Variants in OVCH1 observed in about 807,000 individuals in gnomAD.
The protein encoded by OVCH1 is ovochymase 1, also known as ovochymase-1.
Under a neutral mutation model 138.4 loss-of-function variants are expected in OVCH1, and 139 were observed. That is an observed-to-expected ratio of 1.00 (90% confidence interval 0.87 to 1.16). The LOEUF (loss-of-function observed/expected upper bound fraction) is 1.16. Ranked by LOEUF, OVCH1 falls within the 50% of genes most tolerant of loss-of-function variation. OVCH1 has a pLI of 0.00. For synonymous variants in OVCH1, 453 were observed against 467.8 expected (o/e 0.97, Z 0.41); for missense variants, 1,367 against 1,357.9 (o/e 1.01, Z -0.11).
At chr12:29,408,108 T>C (rs969926388), downstream of OVCH1, among the ~76,000 whole-genome samples, 22 of 135,032 alleles carry the variant, frequency 1.6e-4, 1 homozygote, top group African/African-American at 5.4e-4. Flanking sequence ...GCTCTCTGTT[T>C]GTCTGTTATT....
At chr12:29,447,538 T>C (rs957531440) in intron 22 of OVCH1, among the ~76,000 whole-genome samples, 1 of 152,084 alleles carries the variant, frequency 6.6e-6, no homozygotes, top group Admixed American at 6.6e-5. Flanking sequence ...GTTGACCTCA[T>C]TTGGAAGTAT....
exon 14 of OVCH1, chr12:29,475,166 T>C (rs1942661020): frequency 2.7e-6 from 4 of 1,497,630 alleles, no homozygotes; most frequent in Non-Finnish European, 8.9e-7. Context: ...ATTGAAGTGA[T>C]GGTCAACATT....
intron 24 of OVCH1, 43 bp downstream of exon 24, chr12:29,444,102 T>C: frequency 6.5e-7 from 1 of 1,545,492 alleles, no homozygotes; most frequent in Non-Finnish European, 8.7e-7. Flanking sequence ...CAAGCAATTT[T>C]TTCCACACAC....
intron 21 of OVCH1, among the ~76,000 whole-genome samples, chr12:29,452,304 GA>G (rs1941818511): frequency 6.6e-6 from 1 of 152,168 alleles, no homozygotes; most frequent in African/African-American, 2.4e-5. Context: ...ACCTGAGGAG[GA>G]GGTACGTAAA....
At chr12:29,418,225 A>T (rs2135881249) in intron 3 of OVCH1, among the ~76,000 whole-genome samples, 1 of 152,360 alleles carries the variant, frequency 6.6e-6, no homozygotes, top group Admixed American at 6.5e-5. Flanking sequence ...AGCCAGAGTA[A>T]CAATTCCTCA....
downstream of OVCH1, among the ~76,000 whole-genome samples, chr12:29,407,503 C>A (rs573963089): frequency 1.5e-4 from 22 of 150,148 alleles, 1 homozygote; most frequent in African/African-American, 5.1e-4. Context: ...AGGAAGGGAT[C>A]CAGTTTCAGC....
At chr12:29,473,099 A>G in exon 15 of OVCH1, 4 of 1,598,296 alleles carry the variant, frequency 2.5e-6, no homozygotes, top group Non-Finnish European at 3.4e-6. Flanking sequence ...ATTTGTTTAA[A>G]GACTCTGTAG....
intron 27 of OVCH1, among the ~76,000 whole-genome samples, chr12:29,429,603 T>C (rs1941235071): frequency 6.6e-6 from 1 of 152,240 alleles, no homozygotes. Flanking sequence ...CCAATCACAG[T>C]TCAAAGATTC....
At chr12:29,480,878 G>A (rs921013972) in intron 8 of OVCH1, among the ~76,000 whole-genome samples, 4 of 152,188 alleles carry the variant, frequency 2.6e-5, no homozygotes, top group African/African-American at 9.6e-5. Flanking sequence ...AGAAGTCACT[G>A]ACTGTGCAAA....
At chr12:29,443,269 C>T (rs1461617578) in intron 25 of OVCH1, 92 bp downstream of exon 25, 1 of 1,283,760 alleles carries the variant, frequency 7.8e-7, no homozygotes, top group Non-Finnish European at 1.1e-6. Flanking sequence ...TAGTGTATGT[C>T]ACATGTAAGC....
At chr12:29,479,311 A>G (rs1362883484) in intron 8 of OVCH1, among the ~76,000 whole-genome samples, 1 of 152,220 alleles carries the variant, frequency 6.6e-6, no homozygotes, top group African/African-American at 2.4e-5. Flanking sequence ...AGGTTGAATT[A>G]TGGTTCTCAT....
intron 8 of OVCH1, among the ~76,000 whole-genome samples, chr12:29,483,460 T>C (rs1565607326): frequency 6.6e-6 from 1 of 152,222 alleles, no homozygotes; most frequent in African/African-American, 2.4e-5. Flanking sequence ...TAAATATTTA[T>C]ATTCATTTTA....
chr12:29,443,081 A>G (rs1183428903), intron 25 of OVCH1, among the ~76,000 whole-genome samples: 3 of 152,084 alleles, frequency 2.0e-5, no homozygotes, highest in Non-Finnish European at 4.4e-5. Flanking sequence ...TTTGTCTAAA[A>G]CTGCTTCATT....
chr12:29,414,042 T>G (rs1940999968), intron 3 of OVCH1, among the ~76,000 whole-genome samples: 2 of 139,368 alleles, frequency 1.4e-5, no homozygotes, highest in Admixed American at 7.0e-5. Flanking sequence ...TTTTTTTTTT[T>G]GGAGTATTGC....
At chr12:29,415,412 T>A (rs575031212) in intron 3 of OVCH1, among the ~76,000 whole-genome samples, 12 of 152,316 alleles carry the variant, frequency 7.9e-5, no homozygotes, top group South Asian at 2.1e-4. Flanking sequence ...TCTAAAAGAA[T>A]GCTTCTTAAC....
chr12:29,472,875 A>G lies in OVCH1; in HGVS notation c.1675+154T>C, dbSNP rs989134674. On this transcript the variant is annotated intron_variant, in intron 15 of 27. Transcript: ENST00000318184. ...ATTTATGAGTCTAACTATAAATCCAAATATGACTCTGGACGTTTTATGGAC... is the reference window on the plus strand; with the variant it reads ...ATTTATGAGTCTAACTATAAATCCAGATATGACTCTGGACGTTTTATGGAC... Among the ~76,000 whole-genome samples, 5 of 152,284 alleles carry G rather than the reference A, an allele frequency of 3.3e-5. No homozygotes were observed. In the South Asian group the frequency reaches 8.3e-4, roughly 25 times the overall value.
downstream of OVCH1, among the ~76,000 whole-genome samples, chr12:29,409,485 C>T (rs1047357175): frequency 1.3e-5 from 2 of 151,866 alleles, no homozygotes; most frequent in Non-Finnish European, 2.9e-5. Context: ...TTGAATGTGT[C>T]CCAGAGATTC....
chr12:29,483,318 A>T (rs1261240265), intron 8 of OVCH1, among the ~76,000 whole-genome samples: 1 of 152,296 alleles, frequency 6.6e-6, no homozygotes, highest in South Asian at 2.1e-4. Flanking sequence ...CTAACAGCTT[A>T]AGCAAAGGTG....
chr12:29,404,156 A>G, the OVCH1 span, among the ~76,000 whole-genome samples: 1 of 152,212 alleles, frequency 6.6e-6, no homozygotes, highest in Non-Finnish European at 1.5e-5. Context: ...CAGTTGTACC[A>G]CACTGCTCTT....
Sources: gnomAD v4.1 joint callset for allele counts (sites outside exome capture counted in the v4.1 genomes callset) on GRCh38, gnomAD v4.1.1 for gene constraint, MANE v1.5 for transcripts, NCBI Gene and HGNC (gene_info 2026-07-23, HGNC 2026-07-21) for gene names.